The following NEBL variants were observed in gnomAD, a reference collection of about 807,000 sequenced individuals.
The protein encoded by NEBL is LIM and SH3 protein 2.
In NEBL, 122 loss-of-function variants were observed where a neutral mutation model predicts 140.2. The ratio of observed to expected loss-of-function variants is 0.87; its 90% CI spans 0.75 to 1.01. The LOEUF is 1.01. NEBL is among the 50% of genes least tolerant of loss of function. NEBL has a pLI of 0.00. For missense variants in NEBL, 1,365 were observed against 1,231.3 expected (o/e 1.11, Z -1.62); for synonymous variants, 436 against 398.9 (o/e 1.09, Z -1.11).
chr10:20,963,039 C>CACACAT (rs1554813536), intron 3 of NEBL, among the ~76,000 whole-genome samples: 29 of 150,308 alleles, frequency 1.9e-4, no homozygotes, highest in African/African-American at 6.6e-4. Flanking sequence ...CACACACACA[C>CACACAT]ACACACACGG....
At chr10:21,107,823 T>C (rs557090869) in intron 2 of NEBL, among the ~76,000 whole-genome samples, 19 of 152,314 alleles carry the variant, frequency 1.2e-4, no homozygotes, top group African/African-American at 4.1e-4. Context: ...TGGTAGGCTA[T>C]TAATTATTGC....
At chr10:21,179,194 C>A (rs528345731), upstream of NEBL, among the ~76,000 whole-genome samples, 2 of 152,298 alleles carry the variant, frequency 1.3e-5, no homozygotes, top group South Asian at 2.1e-4. Context: ...GCCTTAATCA[C>A]AGGGTCAGCC....
At chr10:20,852,692 T>C in intron 9 of NEBL, 43 bp from the exon 10 acceptor site, 1 of 1,426,324 alleles carries the variant, frequency 7.0e-7, no homozygotes, top group South Asian at 1.2e-5. Context: ...TCAAAGAGAC[T>C]GATTAGAGCA....
chr10:21,071,553 A>G (rs181515575), intron 2 of NEBL, among the ~76,000 whole-genome samples: 150 of 152,244 alleles, frequency 9.9e-4, no homozygotes, highest in African/African-American at 3.5e-3. Context: ...ATCACCTAGG[A>G]CACTTTTAAA....
chr10:20,797,711 T>C (rs992182670), intron 26 of NEBL, among the ~76,000 whole-genome samples: 36 of 152,028 alleles, frequency 2.4e-4, no homozygotes, highest in Admixed American at 6.6e-5. Flanking sequence ...ATCGTAAGGA[T>C]AGTTAGACAG....
chr10:20,818,132 G>T (rs1838925601), intron 20 of NEBL, among the ~76,000 whole-genome samples: 1 of 152,106 alleles, frequency 6.6e-6, no homozygotes, highest in South Asian at 2.1e-4. Flanking sequence ...ACCTCCCAGG[G>T]ATATTATAAG....
At chr10:20,955,139 C>A (rs897653743) in intron 4 of NEBL, among the ~76,000 whole-genome samples, 1 of 152,016 alleles carries the variant, frequency 6.6e-6, no homozygotes, top group African/African-American at 2.4e-5. Flanking sequence ...TAGGGAGGGC[C>A]CTAAATTAGA....
chr10:21,038,099 T>G (rs1321134736), intron 2 of NEBL, among the ~76,000 whole-genome samples: 3 of 152,156 alleles, frequency 2.0e-5, no homozygotes, highest in African/African-American at 7.2e-5. Context: ...AACTATGCCT[T>G]TAAGGTTTTG....
At chr10:21,029,646 T>C in intron 2 of NEBL, 1 of 1,334,244 alleles carries the variant, frequency 7.5e-7, no homozygotes, top group African/African-American at 1.4e-5. Flanking sequence ...CTAGAAGGGG[T>C]GATGATAGGT....
intron 2 of NEBL, among the ~76,000 whole-genome samples, chr10:21,165,834 T>G (rs1015407429): frequency 6.6e-6 from 1 of 152,166 alleles, no homozygotes; most frequent in Non-Finnish European, 1.5e-5. Context: ...AAGTGGCTGT[T>G]ATGATTCACA....
chr10:20,818,621 C>A (rs1396331499), intron 20 of NEBL: 1 of 182,016 alleles, frequency 5.5e-6, no homozygotes, highest in Non-Finnish European at 1.0e-5. Flanking sequence ...ACATCAGATC[C>A]AGTATTCTCC....
At chr10:21,029,343 C>A (rs1833682435) in intron 2 of NEBL, 4 of 1,611,198 alleles carry the variant, frequency 2.5e-6, no homozygotes, top group Non-Finnish European at 3.4e-6. Flanking sequence ...TTAAGGAATT[C>A]TTTAGAGGAT....
intron 3 of NEBL, among the ~76,000 whole-genome samples, chr10:21,014,519 G>A (rs1458627437): frequency 6.6e-6 from 1 of 152,204 alleles, no homozygotes; most frequent in Non-Finnish European, 1.5e-5. Flanking sequence ...TCTTTGGACA[G>A]TCAATGGAGT....
At chr10:21,177,812 G>A (rs549311910), upstream of NEBL, among the ~76,000 whole-genome samples, 1 of 152,296 alleles carries the variant, frequency 6.6e-6, no homozygotes, top group South Asian at 2.1e-4. Context: ...ACAGGCGTGA[G>A]CCACCGTGCC....
intron 4 of NEBL, among the ~76,000 whole-genome samples, chr10:20,904,033 T>C (rs918048150): frequency 6.0e-5 from 7 of 117,232 alleles, no homozygotes; most frequent in Admixed American, 5.7e-4. Flanking sequence ...TTTTAAGATG[T>C]CATAGCAAGA....
chr10:20,918,922 CATG>C (rs1833445638), intron 4 of NEBL, among the ~76,000 whole-genome samples: 1 of 151,954 alleles, frequency 6.6e-6, no homozygotes, highest in Admixed American at 6.6e-5. Context: ...TCCCACTTAA[CATG>C]ATCATAATAA....
In NEBL at chr10:20,930,361, A is replaced by G. The variant is rs548751310; in HGVS notation, c.357+31311T>C. Among the ~76,000 whole-genome samples, 6 of 152,204 alleles carry G rather than the reference A, an allele frequency of 3.9e-5. No homozygotes were observed. The South Asian group carries it at 8.3e-4, about 21-fold the overall frequency. ...AATTCATCTTCTTTTCTCCATTTCT[A>G]TGGCCACCAGCTTAGTCCAAACCAC... On this transcript the variant is annotated intron_variant, in intron 4 of 6. Transcript: ENST00000417816.
chr10:21,138,306 G>A (rs565861074), intron 2 of NEBL, among the ~76,000 whole-genome samples: 40 of 152,228 alleles, frequency 2.6e-4, no homozygotes, highest in African/African-American at 8.7e-4. Flanking sequence ...GAGGTGGAGC[G>A]GAATGATGGC....
chr10:21,045,231 T>C (rs762377692), intron 2 of NEBL, among the ~76,000 whole-genome samples: 3 of 152,160 alleles, frequency 2.0e-5, no homozygotes, highest in Non-Finnish European at 4.4e-5. Context: ...ATTAATAGAA[T>C]CAAAAGAAAA....
Sources: allele counts gnomAD v4.1 joint callset (sites outside exome capture counted in the v4.1 genomes callset), GRCh38; gene constraint gnomAD v4.1.1; transcripts MANE v1.5; gene names NCBI Gene and HGNC (gene_info 2026-07-23, HGNC 2026-07-21).